The following SCAF4 variants were observed in gnomAD, a reference collection of about 807,000 sequenced individuals.
SCAF4 encodes the protein SR-related CTD associated factor 4, also known as SR-related and CTD-associated factor 4.
SCAF4 carries 25 observed loss-of-function variants against 129.8 expected under a neutral mutation model. That is an observed-to-expected ratio of 0.19 (90% CI 0.14 to 0.27). SCAF4 has a LOEUF of 0.27. Ranked by LOEUF, SCAF4 falls within the 10% of genes least tolerant of loss-of-function variation. The pLI is 1.00. For missense variants in SCAF4, 1,246 were observed against 1,457.1 expected, an observed-to-expected ratio of 0.86 and a Z score of 2.36; for synonymous variants, 551 against 497.7, an observed-to-expected ratio of 1.11 and a Z score of -1.43.
At chr21:31,693,148 A>G (rs2050299648) in intron 12 of SCAF4, 146 bp downstream of exon 12, 3 of 621,120 alleles carry the variant, frequency 4.8e-6, no homozygotes, top group Non-Finnish European at 4.8e-6. Context: ...ATCAATGAAT[A>G]AACAAGGCAC....
At chr21:31,687,428 T>C (rs2050151974) in intron 16 of SCAF4, among the ~76,000 whole-genome samples, 1 of 152,066 alleles carries the variant, frequency 6.6e-6, no homozygotes, top group Non-Finnish European at 1.5e-5. Context: ...TGAAGTTACA[T>C]GCCAAATACC....
chr21:31,704,634 G>A (rs2050612212), intron 3 of SCAF4, among the ~76,000 whole-genome samples: 1 of 151,762 alleles, frequency 6.6e-6, no homozygotes, highest in Non-Finnish European at 1.5e-5. Flanking sequence ...TAAACTCAGT[G>A]GGAAAAGCAG....
chr21:31,731,693 G>C lies in SCAF4; in HGVS notation c.-1C>G. 6.3e-7 allele frequency: 1 copy of C among 1,583,474 alleles called. No individual in the cohort carries two copies. Among genetic ancestry groups the C allele is most frequent in the Non-Finnish European group, 8.5e-7 (1 of 1,170,340 alleles). ...GGTTGAAGGCGTTGACGGCGTCCAT[G>C]TTCGCGCTGCGGCGGCGGCTGCTCC... is the stretch of plus-strand genomic sequence containing the variant. On this transcript the variant is annotated 5_prime_UTR_variant, in exon 1 of 20. Transcript: ENST00000286835.
chr21:31,677,700 T>C (rs1319106598), intron 19 of SCAF4, among the ~76,000 whole-genome samples: 3 of 152,162 alleles, frequency 2.0e-5, no homozygotes, highest in African/African-American at 7.2e-5. Flanking sequence ...TCCCTCTACA[T>C]TTTTATCCTA....
chr21:31,703,951 A>T, intron 3 of SCAF4, 25 bp from the exon 4 acceptor site: 1 of 1,438,238 alleles, frequency 7.0e-7, no homozygotes, highest in Non-Finnish European at 9.4e-7. Flanking sequence ...ATGTAAGATC[A>T]GTACAGAAAA....
rs753961528 is a variant in SCAF4, at chr21:31,685,120, C to A, written c.2417G>T (p.Gly806Val). ...AESGDSVKMY[G>V]SAVPPAAPTN... The stretch of plus-strand genomic sequence containing the variant: ...GGGTGCAGCAGGTGGCACGGCAGAG[C>A]CATACATTTTCACGCTGTCACCAGA... The change falls in exon 19 of 20, where the codon GGC (glycine) becomes GTC (valine). Residue 806 changes from glycine to valine, a missense_variant. Coordinates refer to ENST00000286835, the MANE Select transcript of SCAF4 (RefSeq NM_020706.2). 6 of 1,613,106 alleles carry A rather than the reference C, an allele frequency of 3.7e-6. No individual in the cohort carries two copies. Among genetic ancestry groups the A allele is most frequent in the Non-Finnish European group, 5.1e-6 (6 of 1,179,794 alleles).
At chr21:31,724,628 A>G (rs1381220641) in intron 1 of SCAF4, among the ~76,000 whole-genome samples, 1 of 152,220 alleles carries the variant, frequency 6.6e-6, no homozygotes, top group African/African-American at 2.4e-5. Flanking sequence ...TATGTACAAA[A>G]AAGTTACTTC....
intron 1 of SCAF4, among the ~76,000 whole-genome samples, chr21:31,707,601 T>G (rs2050698657): frequency 6.6e-6 from 1 of 152,254 alleles, no homozygotes; most frequent in South Asian, 2.1e-4. Flanking sequence ...TTCCAAAAGA[T>G]ATTGTGAAGT....
At chr21:31,685,358 C>T (rs747643332) in intron 18 of SCAF4, 40 bp downstream of exon 18, 1 of 1,566,088 alleles carries the variant, frequency 6.4e-7, no homozygotes, top group South Asian at 1.2e-5. Flanking sequence ...ACACCCAGCT[C>T]CAAGAGGATA....
chr21:31,671,946 T>C lies in SCAF4; in HGVS notation c.2897A>G (p.Gln966Arg), dbSNP rs748834588. The C allele has an allele frequency of 7.5e-7, 1 of 1,338,796 alleles. No homozygotes were observed. The highest frequency in any genetic ancestry group is 2.5e-5 in the East Asian group (1 of 40,434). The allele number at this position is 1,338,796 out of a possible 1,614,324, so 82.9% of individuals were successfully genotyped here. ...TGGAGGCTGTTGTGATGGTGGTGGC[T>C]GCTGCTGCTGCTGCTGCTGTGGTTG... The part of the protein sequence containing the change: ...PQQPQQQQQQ[Q>R]PPPSQQPPPT... The change falls in exon 20 of 20, where the codon CAG becomes CGG. Residue 966 changes from glutamine (Q) to arginine (R), a missense_variant. Around this residue, in one of 6 missense-constraint regions of SCAF4, gnomAD observed 339 missense variants for 325.0 expected, o/e 1.04. Transcript: ENST00000286835.
At chr21:31,691,698 C>G in intron 14 of SCAF4, 119 bp downstream of exon 14, 1 of 299,426 alleles carries the variant, frequency 3.3e-6, no homozygotes, top group Non-Finnish European at 6.1e-6. Context: ...AAAAGATGCA[C>G]ATGAAATGCC....
At chr21:31,684,339 T>C (rs1173026703) in intron 19 of SCAF4, 1 of 152,478 alleles carries the variant, frequency 6.6e-6, no homozygotes, top group Non-Finnish European at 1.5e-5. Context: ...GATGGTCTAC[T>C]GTAACAAGCA....
At chr21:31,679,350 A>C (rs2049943578) in intron 19 of SCAF4, among the ~76,000 whole-genome samples, 1 of 151,720 alleles carries the variant, frequency 6.6e-6, no homozygotes, top group Non-Finnish European at 1.5e-5. Context: ...TTTTTTTTTT[A>C]ATCAGCAAGT....
chr21:31,688,444 T>G lies in SCAF4; in HGVS notation c.1906A>C (p.Lys636Gln). ...TTTTGAGCAACTTCATTTTCAGGCT[T>G]CTTAGGAATTCCTTTCCAATCTGTG... ...LNPDWKGIPKKPENEVAQNGG... is the reference protein window; with the variant it reads ...LNPDWKGIPKQPENEVAQNGG... The change falls in exon 16 of 20, where the codon AAG becomes CAG. Residue 636 changes from lysine (K) to glutamine (Q), a missense_variant. Lys to Gln is a moderately conservative substitution (Grantham distance 53). Around this residue, in one of 6 missense-constraint regions of SCAF4, gnomAD observed 468 missense variants for 605.5 expected, o/e 0.77. Coordinates refer to ENST00000286835, the MANE Select transcript of SCAF4 (RefSeq NM_020706.2). 1 of 1,613,926 alleles carries G rather than the reference T, an allele frequency of 6.2e-7. No individual in the cohort carries two copies. Among genetic ancestry groups the G allele is most frequent in the Non-Finnish European group, 8.5e-7 (1 of 1,179,872 alleles).
intron 1 of SCAF4, among the ~76,000 whole-genome samples, chr21:31,710,947 C>CT (rs35277749): frequency 1.3e-5 from 2 of 152,092 alleles, no homozygotes. Flanking sequence ...TGTTTCAAAG[C>CT]TTTTTTATAA....
chr21:31,700,905 C>T, intron 7 of SCAF4, 90 bp downstream of exon 7: 1 of 1,314,170 alleles, frequency 7.6e-7, no homozygotes, highest in Non-Finnish European at 1.1e-6. Flanking sequence ...ACATAATGAA[C>T]AATCCACAGA....
At chr21:31,693,701 A>G (rs2050314688) in intron 11 of SCAF4, among the ~76,000 whole-genome samples, 1 of 152,214 alleles carries the variant, frequency 6.6e-6, no homozygotes, top group Non-Finnish European at 1.5e-5. Flanking sequence ...AGCTTATATA[A>G]GTATCTGTCA....
rs1229422185 is a variant in SCAF4 at position 31,696,127 on chromosome 21, G to T, written c.1054C>A (p.Pro352Thr). 1.9e-6 allele frequency: 3 copies of T among 1,611,044 alleles called. No individual in the cohort carries two copies. The highest frequency in any genetic ancestry group is 3.3e-5 in the Admixed American group (2 of 59,948). Residue 352 changes from proline (P) to threonine (T), a missense_variant, in exon 9 of 20, where the codon CCA (proline) becomes ACA (threonine). Pro to Thr is a conservative substitution (Grantham distance 38). Transcript: ENST00000286835. Reference sequence around the variant, plus strand: ...AATGCTTGTACCTGATGGTGCATTGGATCCTGTTGTATTCCCATCATTCGT... The same window carrying T: ...AATGCTTGTACCTGATGGTGCATTGTATCCTGTTGTATTCCCATCATTCGT... ...QPRMMGIQQDPMHHQVPLPPN... is the reference protein window; with the variant it reads ...QPRMMGIQQDTMHHQVPLPPN...
intron 1 of SCAF4, among the ~76,000 whole-genome samples, chr21:31,722,853 T>C (rs1300251841): frequency 1.3e-5 from 2 of 152,034 alleles, no homozygotes; most frequent in African/African-American, 2.4e-5. Flanking sequence ...GTCAGGAGGC[T>C]GAGGCAAGGA....
Sources: allele counts gnomAD v4.1 joint callset (sites outside exome capture counted in the v4.1 genomes callset), GRCh38; gene constraint gnomAD v4.1.1; regional missense constraint gnomAD v4.1.1; transcripts MANE v1.5; gene names NCBI Gene and HGNC (gene_info 2026-07-23, HGNC 2026-07-21).